The following ZNG1A variants were observed in gnomAD, a reference collection of about 807,000 sequenced individuals.
ZNG1A encodes the protein Zn regulated GTPase metalloprotein activator 1A, also known as zinc-regulated GTPase metalloprotein activator 1A.
the ZNG1A span, chr9:149,191 T>C: frequency 6.6e-6 from 1 of 151,766 alleles, no homozygotes; most frequent in Non-Finnish European, 1.5e-5. Flanking sequence ...AGCCTCACAT[T>C]GAATCTACCT....
chr9:141,375 G>A, the ZNG1A span, among the ~76,000 whole-genome samples: 2 of 148,850 alleles, frequency 1.3e-5, no homozygotes, highest in Non-Finnish European at 3.0e-5. Context: ...GAAGAGAGTG[G>A]GGGCCAATAT....
the ZNG1A span, among the ~76,000 whole-genome samples, chr9:135,232 AC>A: frequency 5.4e-4 from 82 of 151,402 alleles, no homozygotes; most frequent in Non-Finnish European, 9.7e-4. Flanking sequence ...TTTAAAAAAA[AC>A]CACACATTCA....
chr9:146,735 T>G, the ZNG1A span: 1 of 62,652 alleles, frequency 1.6e-5, no homozygotes, highest in Non-Finnish European at 3.4e-5. Context: ...TATTTAATGA[T>G]AATTACTCAT....
chr9:128,091 C>T, the ZNG1A span, among the ~76,000 whole-genome samples: 1 of 152,138 alleles, frequency 6.6e-6, no homozygotes, highest in East Asian at 1.9e-4. Context: ...TTACAGGTTA[C>T]CTGCTGCTTT....
chr9:168,437 T>C, the ZNG1A span, among the ~76,000 whole-genome samples: 11,223 of 148,386 alleles, frequency 0.076, 751 homozygotes, highest in African/African-American at 0.19. Context: ...TATTTTTAGC[T>C]GAGATGGGGT....
At chr9:167,746 G>A in the ZNG1A span, 2 of 149,592 alleles carry the variant, frequency 1.3e-5, no homozygotes, top group African/African-American at 5.0e-5. Context: ...GAAAGGAACA[G>A]TCACCTGTTT....
chr9:152,686 A>C, the ZNG1A span, among the ~76,000 whole-genome samples: 6 of 151,960 alleles, frequency 3.9e-5, no homozygotes, highest in African/African-American at 1.5e-4. Flanking sequence ...GGCACCAAAA[A>C]GTACCTGTTA....
chr9:171,654 T>C, the ZNG1A span: 15 of 219,144 alleles, frequency 6.8e-5, no homozygotes, highest in Admixed American at 4.7e-4. Flanking sequence ...AGGATGTGCA[T>C]AGCTTATAGG....
At chr9:153,903 C>T in the ZNG1A span, 6 of 151,976 alleles carry the variant, frequency 3.9e-5, no homozygotes, top group African/African-American at 1.4e-4. Context: ...TAAAGATAAC[C>T]AATACTAATA....
chr9:125,109 T>C, the ZNG1A span, among the ~76,000 whole-genome samples: 5 of 152,214 alleles, frequency 3.3e-5, no homozygotes, highest in Admixed American at 3.3e-4. Context: ...TAGTTCTACT[T>C]TTAGTTCTTT....
chr9:174,003 C>A, the ZNG1A span, among the ~76,000 whole-genome samples: 1 of 151,856 alleles, frequency 6.6e-6, no homozygotes, highest in Non-Finnish European at 1.5e-5. Context: ...AAAAATTAGC[C>A]AGGTGTGGTA....
At chr9:160,490 C>T in the ZNG1A span, among the ~76,000 whole-genome samples, 3 of 152,002 alleles carry the variant, frequency 2.0e-5, no homozygotes, top group South Asian at 6.2e-4. Flanking sequence ...ATTATCCTGA[C>T]AGTGTGTCAG....
chr9:170,679 C>T, the ZNG1A span, among the ~76,000 whole-genome samples: 1 of 144,386 alleles, frequency 6.9e-6, no homozygotes, highest in Non-Finnish European at 1.5e-5. Flanking sequence ...AGCCACCATG[C>T]CCAGCCCCTA....
At chr9:157,314 T>C in the ZNG1A span, among the ~76,000 whole-genome samples, 8 of 148,248 alleles carry the variant, frequency 5.4e-5, no homozygotes, top group African/African-American at 2.0e-4. Context: ...CTCATAATCC[T>C]GTTTACATCC....
At chr9:176,203 C>T in the ZNG1A span, among the ~76,000 whole-genome samples, 3 of 137,644 alleles carry the variant, frequency 2.2e-5, no homozygotes, top group Admixed American at 7.4e-5. Flanking sequence ...CAACAATGGA[C>T]AGAATGTTCA....
the ZNG1A span, among the ~76,000 whole-genome samples, chr9:158,915 C>A: frequency 0.019 from 2,926 of 152,146 alleles, 80 homozygotes; most frequent in African/African-American, 0.062. Flanking sequence ...GACTTCCTAC[C>A]TTCCCAAGTC....
the ZNG1A span, among the ~76,000 whole-genome samples, chr9:133,534 T>C: frequency 6.5e-5 from 9 of 138,616 alleles, no homozygotes; most frequent in South Asian, 1.6e-3. Flanking sequence ...TAAATGTTGA[T>C]GCCATTTAAA....
chr9:172,016 C>G, the ZNG1A span: 2 of 1,606,996 alleles, frequency 1.2e-6, no homozygotes, highest in Non-Finnish European at 1.7e-6. Context: ...AGATATTCCT[C>G]TAATACATCT....
the ZNG1A span, among the ~76,000 whole-genome samples, chr9:132,033 C>CA: frequency 7.0e-6 from 1 of 142,782 alleles, no homozygotes; most frequent in East Asian, 2.0e-4. Context: ...ATCCTACCGT[C>CA]AAAAAAAATC....
Sources: gnomAD v4.1 joint callset for allele counts (sites outside exome capture counted in the v4.1 genomes callset) on GRCh38, gnomAD v4.1.1 for gene constraint, MANE v1.5 for transcripts, NCBI Gene and HGNC (gene_info 2026-07-23, HGNC 2026-07-21) for gene names.